The following DNAH8 variants were observed in gnomAD, a reference collection of about 807,000 sequenced individuals.
The protein encoded by DNAH8 is dynein axonemal heavy chain 8.
Under a neutral mutation model 562.1 loss-of-function variants are expected in DNAH8, and 382 were observed. The ratio of observed to expected loss-of-function variants is 0.68; its 90% CI spans 0.63 to 0.74. The LOEUF (loss-of-function observed/expected upper bound fraction) is 0.74, where lower values mean the gene tolerates loss of function less well. Among genes scored for constraint, DNAH8 ranks in the 30% least tolerant of loss-of-function variants. The pLI is 0.00. For synonymous variants in DNAH8, 1,881 were observed against 1,919.4 expected (o/e 0.98, Z 0.52); for missense variants, 5,203 against 5,620.4 (o/e 0.93, Z 2.37).
intron 79 of DNAH8, among the ~76,000 whole-genome samples, chr6:38,941,855 T>G (rs1242563711): frequency 1.3e-5 from 2 of 152,174 alleles, no homozygotes; most frequent in Non-Finnish European, 2.9e-5. Flanking sequence ...CACCATGGTC[T>G]GAATGTTTGT....
intron 18 of DNAH8, among the ~76,000 whole-genome samples, chr6:38,788,109 T>C (rs1769347903): frequency 6.6e-6 from 1 of 151,918 alleles, no homozygotes; most frequent in Admixed American, 6.6e-5. Context: ...ACAACATTTA[T>C]AATTTTATAA....
chr6:38,722,572 A>AGGTG (rs201185402), intron 1 of DNAH8, among the ~76,000 whole-genome samples: 11 of 126,634 alleles, frequency 8.7e-5, no homozygotes, highest in Admixed American at 2.4e-4. Flanking sequence ...AAAAGCTCCC[A>AGGTG]GGTGGGTGGG....
chr6:38,802,167 C>T (rs944245318), intron 21 of DNAH8, among the ~76,000 whole-genome samples: 5 of 152,068 alleles, frequency 3.3e-5, no homozygotes, highest in African/African-American at 7.2e-5. Context: ...AATTCCTGGG[C>T]TCAAGCAATC....
At chr6:38,834,966 T>C (rs941148373) in intron 32 of DNAH8, among the ~76,000 whole-genome samples, 1 of 152,212 alleles carries the variant, frequency 6.6e-6, no homozygotes, top group Admixed American at 6.5e-5. Flanking sequence ...ATATTTTAAA[T>C]ATTGGCAAAT....
In DNAH8 at chr6:38,905,591, T is replaced by TTA. The variant is rs1199286043; in HGVS notation, c.9195-653_9195-652dup. ...CCAAATTTCAGATGAGTTTTAGATA[T>TTA]TATATATATATTTACTCGGACAAAA... On this transcript the variant is annotated intron_variant, in intron 62 of 92. Transcript: ENST00000327475. Among the ~76,000 whole-genome samples the TTA allele has an allele frequency of 2.0e-5, 3 of 152,260 alleles. No individual in the cohort carries two copies. In the East Asian group the frequency reaches 5.8e-4, roughly 29 times the overall value.
chr6:38,742,462 C>T lies in DNAH8; in HGVS notation c.1293+575C>T, dbSNP rs192490128. 4.0e-4 allele frequency among the ~76,000 whole-genome samples: 61 copies of T among 151,950 alleles called. 1 individual carries two copies. The highest frequency in any genetic ancestry group is 1.3e-3 in the African/African-American group (53 of 41,454). On this transcript the variant is annotated intron_variant, in intron 8 of 92. Transcript: ENST00000327475. ...AACAGGCATGCCCCACCACCACGCC[C>T]GGCTAATTTTTGTATTTGTTGTAGA...
intron 27 of DNAH8, 59 bp from the exon 28 acceptor site, chr6:38,823,503 A>C: frequency 7.5e-7 from 1 of 1,333,314 alleles, no homozygotes; most frequent in Non-Finnish European, 1.1e-6. Context: ...TTTCTAATGT[A>C]ACTATGGTAA....
rs755726931 is a variant in DNAH8, at chr6:38,911,565, C to G, written c.9838C>G (p.Gln3280Glu). 2 of 1,605,158 alleles carry G rather than the reference C, an allele frequency of 1.2e-6. No homozygotes were observed. Among genetic ancestry groups the G allele is most frequent in the South Asian group, 2.2e-5 (2 of 90,864 alleles). The change falls in exon 66 of 93, where the codon CAG (glutamine) becomes GAG (glutamate). Residue 3280 changes from glutamine to glutamate, a missense_variant. Coordinates refer to ENST00000327475, the MANE Select transcript of DNAH8 (RefSeq NM_001206927.2). ...TGAAAAGGTGAAGTTCATTAATGAA[C>G]AGGCTGAACGTATGAATATTGGTAA... ...YAEKVKFINE[Q>E]AERMNIGLDK...
intron 11 of DNAH8, among the ~76,000 whole-genome samples, chr6:38,767,361 T>G (rs1479059574): frequency 6.6e-6 from 1 of 151,372 alleles, no homozygotes; most frequent in African/African-American, 2.4e-5. Context: ...CACTTGAACC[T>G]GGGAGGCGTA....
At chr6:38,877,506 G>A (rs1778116021) in intron 53 of DNAH8, among the ~76,000 whole-genome samples, 1 of 152,124 alleles carries the variant, frequency 6.6e-6, no homozygotes, top group Admixed American at 6.5e-5. Flanking sequence ...AAAATATTGA[G>A]GGGTTGCAGG....
In DNAH8 at chr6:38,938,858, T is replaced by C. The variant is rs754334951; in HGVS notation, c.11877T>C (p.Tyr3959=). 6.2e-6 allele frequency: 10 copies of C among 1,613,260 alleles called. No homozygotes were observed. The highest frequency in any genetic ancestry group is 2.2e-5 in the East Asian group (1 of 44,842). The change falls in exon 79 of 93, where the codon TAT becomes TAC. Residue 3959 remains tyrosine (Y), a synonymous_variant. Coordinates refer to ENST00000327475, the MANE Select transcript of DNAH8 (RefSeq NM_001206927.2). ...RITNIIEYLT[Y]EVFTYSVRGL... is the part of the protein sequence containing the mutation. The stretch of plus-strand genomic sequence containing the variant: ...CAAATATTATCGAGTACCTGACATA[T>C]GAAGTTTTTACATACTCTGTCAGAG...
chr6:38,894,151 T>C (rs939189217), intron 58 of DNAH8, among the ~76,000 whole-genome samples: 1 of 152,116 alleles, frequency 6.6e-6, no homozygotes, highest in Non-Finnish European at 1.5e-5. Flanking sequence ...GAAAGACTGT[T>C]GACTGAGTTT....
chr6:38,910,744 T>G (rs755494050), intron 65 of DNAH8, among the ~76,000 whole-genome samples: 3 of 152,176 alleles, frequency 2.0e-5, no homozygotes, highest in African/African-American at 4.8e-5. Context: ...TACAACACTT[T>G]AATGATAGTC....
chr6:38,944,880 C>T (rs1032559304), intron 79 of DNAH8, among the ~76,000 whole-genome samples: 1 of 151,766 alleles, frequency 6.6e-6, no homozygotes, highest in Non-Finnish European at 1.5e-5. Context: ...TATATCATTT[C>T]CTCCTTCACT....
chr6:38,913,568 GGCCAAACTAA>G (rs1781068200), intron 66 of DNAH8, among the ~76,000 whole-genome samples: 2 of 151,782 alleles, frequency 1.3e-5, no homozygotes, highest in Admixed American at 1.3e-4. Flanking sequence ...TAAGTTTCTT[GGCCAAACTAA>G]TCTTATTCAA....
Position 38,966,504 on chromosome 6 carries a change from C to A in DNAH8, c.12452-5088C>A, listed in dbSNP as rs137859325. ...TTCTGAGACCAGTATTACCATGATACCAAATGCAGACAAAGACATCACACA... is the reference window on the plus strand; with the variant it reads ...TTCTGAGACCAGTATTACCATGATAACAAATGCAGACAAAGACATCACACA... On this transcript the variant is annotated intron_variant, in intron 82 of 92. Transcript: ENST00000327475. Among the ~76,000 whole-genome samples the A allele has an allele frequency of 2.0e-3, 302 of 152,262 alleles. 1 individual carries two copies. Among genetic ancestry groups the A allele is most frequent in the African/African-American group, 6.9e-3 (285 of 41,552 alleles).
intron 60 of DNAH8, among the ~76,000 whole-genome samples, chr6:38,896,950 T>C (rs548858388): frequency 6.6e-6 from 1 of 152,128 alleles, no homozygotes; most frequent in South Asian, 2.1e-4. Flanking sequence ...CATGCCTGGC[T>C]AATTTTTTGT....
In DNAH8 at chr6:38,911,480, A is replaced by G. The variant is rs1455890400; in HGVS notation, c.9753A>G (p.Arg3251=). The part of the protein sequence containing the change: ...CESYFQRYRR[R]AHVTPKSYLS... ...GTTCTGCTTTCAGATACCGCCGAAG[A>G]GCACATGTGACTCCCAAATCTTACC... is the stretch of plus-strand genomic sequence containing the variant. The change falls in exon 66 of 93, where the codon AGA becomes AGG. Residue 3251 remains arginine, a synonymous_variant. Transcript: ENST00000327475. The G allele has an allele frequency of 1.1e-5, 18 of 1,612,268 alleles. No homozygotes were observed. Among genetic ancestry groups the G allele is most frequent in the Non-Finnish European group, 1.4e-5 (16 of 1,178,430 alleles).
intron 82 of DNAH8, among the ~76,000 whole-genome samples, chr6:38,964,555 A>G (rs932647947): frequency 6.6e-6 from 1 of 151,648 alleles, no homozygotes; most frequent in Non-Finnish European, 1.5e-5. Context: ...ATTGAGAGAC[A>G]TACATCCAGA....
Sources: allele counts gnomAD v4.1 joint callset (sites outside exome capture counted in the v4.1 genomes callset), GRCh38; gene constraint gnomAD v4.1.1; transcripts MANE v1.5; gene names NCBI Gene and HGNC (gene_info 2026-07-23, HGNC 2026-07-21).